Variants in METTL25 observed in about 807,000 individuals in gnomAD.
METTL25 encodes methyltransferase like 25.
In METTL25, 64 loss-of-function variants were observed where a neutral mutation model predicts 71.6. That is an observed-to-expected ratio of 0.89 (90% CI 0.73 to 1.10). The LOEUF (loss-of-function observed/expected upper bound fraction) is 1.10, where lower values mean the gene tolerates loss of function less well. METTL25 is among the 50% of genes least tolerant of loss of function. The pLI, the probability that METTL25 is intolerant of heterozygous loss-of-function variation, is 0.00. For synonymous variants in METTL25, 287 were observed against 250.3 expected (o/e 1.15, Z -1.38); for missense variants, 807 against 707.0 (o/e 1.14, Z -1.60).
intron 8 of METTL25, among the ~76,000 whole-genome samples, chr12:82,452,224 A>G (rs943540144): frequency 6.6e-6 from 1 of 152,218 alleles, no homozygotes; most frequent in African/African-American, 2.4e-5. Flanking sequence ...TAAGACTGCC[A>G]TTCCTGAAAA....
intron 3 of METTL25, among the ~76,000 whole-genome samples, chr12:82,392,909 T>G (rs1306130211): frequency 6.6e-6 from 1 of 152,106 alleles, no homozygotes. Flanking sequence ...TGCATCTTCT[T>G]GGCACCTTTG....
At chr12:82,471,665 C>G (rs1892577043) in intron 9 of METTL25, among the ~76,000 whole-genome samples, 1 of 152,178 alleles carries the variant, frequency 6.6e-6, no homozygotes, top group Non-Finnish European at 1.5e-5. Flanking sequence ...CCAACTATGT[C>G]ATATGATGGT....
chr12:82,467,017 G>T (rs1295459044), intron 9 of METTL25, among the ~76,000 whole-genome samples: 2 of 152,016 alleles, frequency 1.3e-5, no homozygotes, highest in East Asian at 3.9e-4. Flanking sequence ...GATAACAGGT[G>T]TGGGCTACCA....
At chr12:82,447,697 T>A (rs921832120) in intron 8 of METTL25, among the ~76,000 whole-genome samples, 2 of 152,082 alleles carry the variant, frequency 1.3e-5, no homozygotes, top group Non-Finnish European at 2.9e-5. Context: ...CATATAGAAA[T>A]CAAGGTATTT....
chr12:82,447,434 A>C (rs573388637), intron 8 of METTL25, among the ~76,000 whole-genome samples: 1 of 152,208 alleles, frequency 6.6e-6, no homozygotes, highest in Non-Finnish European at 1.5e-5. Context: ...AATTACAGCT[A>C]CATGCATCAA....
At position 82,479,224 on chromosome 12, in the gene METTL25, T is replaced by A; in HGVS notation, c.*200T>A. On this transcript the variant is annotated 3_prime_UTR_variant, in exon 12 of 12. Transcript: ENST00000248306. ...CATACATTAATAAAAGAAGAACCTG[T>A]CATAATAATATAAAACAGTTGACCT... The A allele has an allele frequency of 2.1e-6, 1 of 474,204 alleles. No homozygotes were observed. Among genetic ancestry groups the A allele is most frequent in the Non-Finnish European group, 3.8e-6 (1 of 265,218 alleles). 29.4% of individuals were successfully genotyped at this position (474,204 alleles called of 1,614,324 possible).
intron 8 of METTL25, 29 bp downstream of exon 8, chr12:82,438,820 A>G: frequency 1.3e-6 from 2 of 1,495,292 alleles, no homozygotes; most frequent in Middle Eastern, 1.9e-4. Flanking sequence ...AATAAGAATA[A>G]CTATGTTATA....
intron 5 of METTL25, among the ~76,000 whole-genome samples, chr12:82,414,014 A>G (rs1173657751): frequency 2.0e-5 from 3 of 151,606 alleles, no homozygotes; most frequent in African/African-American, 7.3e-5. Flanking sequence ...TCTTAACTAT[A>G]TTAATATTAA....
At chr12:82,468,414 AAAG>A (rs1370051624) in intron 9 of METTL25, 1 of 153,012 alleles carries the variant, frequency 6.5e-6, no homozygotes, top group Non-Finnish European at 1.5e-5. Flanking sequence ...GAGGCACTCT[AAAG>A]AAGAAGCTGG....
At chr12:82,478,126 C>T (rs1892985362) in intron 11 of METTL25, among the ~76,000 whole-genome samples, 1 of 151,566 alleles carries the variant, frequency 6.6e-6, no homozygotes, top group Admixed American at 6.6e-5. Flanking sequence ...ATGTACTTTC[C>T]TAAGCTGCCA....
chr12:82,394,006 A>G (rs1241821644), intron 3 of METTL25, among the ~76,000 whole-genome samples: 1 of 152,042 alleles, frequency 6.6e-6, no homozygotes, highest in African/African-American at 2.4e-5. Flanking sequence ...CACATTGGTC[A>G]TTCAGGAGCA....
chr12:82,475,751 T>C (rs1892844545), intron 9 of METTL25, among the ~76,000 whole-genome samples: 1 of 152,168 alleles, frequency 6.6e-6, no homozygotes, highest in South Asian at 2.1e-4. Flanking sequence ...TCATTTGTTA[T>C]GTAATACTTA....
intron 8 of METTL25, among the ~76,000 whole-genome samples, chr12:82,441,242 C>T (rs1890302813): frequency 6.6e-6 from 1 of 151,736 alleles, no homozygotes; most frequent in South Asian, 2.1e-4. Flanking sequence ...GAAATAAATT[C>T]CCTCTGGACA....
At chr12:82,389,164 C>G (rs1271853581) in intron 2 of METTL25, among the ~76,000 whole-genome samples, 1 of 152,056 alleles carries the variant, frequency 6.6e-6, no homozygotes, top group African/African-American at 2.4e-5. Flanking sequence ...ACAGTGTATA[C>G]TCGTATAGTA....
chr12:82,470,418 C>T (rs1011142243), intron 9 of METTL25, among the ~76,000 whole-genome samples: 3 of 152,076 alleles, frequency 2.0e-5, no homozygotes, highest in African/African-American at 7.2e-5. Context: ...GAGTATGGAC[C>T]AAGTAGAAAC....
At chr12:82,422,692 G>C (rs1565851752) in intron 5 of METTL25, among the ~76,000 whole-genome samples, 1 of 152,180 alleles carries the variant, frequency 6.6e-6, no homozygotes, top group Non-Finnish European at 1.5e-5. Flanking sequence ...AGCAACTTCA[G>C]CAAAGTCTCA....
rs566535330 is a variant in METTL25 at position 82,444,583 on chromosome 12, T to C, written c.1478+5792T>C. Among the ~76,000 whole-genome samples, 5 of 151,812 alleles carry C rather than the reference T, an allele frequency of 3.3e-5. No homozygotes were observed. In the East Asian group the frequency reaches 9.7e-4, roughly 29 times the overall value. Reference sequence around the variant, plus strand: ...AAGGCAAAAAGACATATATCAAAAATAATAATCATAACATTTGTTAAGAGA... The same window carrying C: ...AAGGCAAAAAGACATATATCAAAAACAATAATCATAACATTTGTTAAGAGA... On this transcript the variant is annotated intron_variant, in intron 8 of 11. Coordinates refer to ENST00000248306, the MANE Select transcript of METTL25 (RefSeq NM_032230.3).
intron 9 of METTL25, among the ~76,000 whole-genome samples, chr12:82,466,796 A>G (rs1275177698): frequency 6.6e-6 from 1 of 152,110 alleles, no homozygotes; most frequent in Non-Finnish European, 1.5e-5. Flanking sequence ...ATCTGTATTT[A>G]AAATTGTCAT....
chr12:82,467,093 G>T (rs953638766), intron 9 of METTL25, among the ~76,000 whole-genome samples: 6 of 151,278 alleles, frequency 4.0e-5, no homozygotes, highest in Non-Finnish European at 8.8e-5. Context: ...TTCAGGTGAG[G>T]TAAGTTTCCT....
Sources: allele counts gnomAD v4.1 joint callset (sites outside exome capture counted in the v4.1 genomes callset), GRCh38; gene constraint gnomAD v4.1.1; transcripts MANE v1.5; gene names NCBI Gene and HGNC (gene_info 2026-07-23, HGNC 2026-07-21).